The following DGKB variants were observed in gnomAD, a reference collection of about 807,000 sequenced individuals.
The protein encoded by DGKB is 90 kDa diacylglycerol kinase.
A neutral mutation model predicts 114.3 loss-of-function variants in DGKB; 67 were observed. The observed-to-expected ratio is 0.59, with a 90% CI of 0.48 to 0.72. The LOEUF (loss-of-function observed/expected upper bound fraction) is 0.72. DGKB is among the 30% of genes least tolerant of loss of function. The probability of loss-of-function intolerance (pLI) is 0.00; values close to 1 mark genes in which losing one functional copy is unlikely to be tolerated. For missense variants in DGKB, 907 were observed against 975.2 expected (o/e 0.93, Z 0.93); for synonymous variants, 398 against 323.1 (o/e 1.23, Z -2.49).
chr7:14,819,982 T>C (rs944874715), intron 2 of DGKB, among the ~76,000 whole-genome samples: 1 of 152,118 alleles, frequency 6.6e-6, no homozygotes, highest in African/African-American at 2.4e-5. Context: ...AAACACACAA[T>C]CCATATTGTG....
chr7:14,905,335 G>C (rs1218690194), upstream of DGKB, among the ~76,000 whole-genome samples: 1 of 149,614 alleles, frequency 6.7e-6, no homozygotes, highest in African/African-American at 2.5e-5. Flanking sequence ...GTTTGGTAAT[G>C]GAGGAAGAAA....
chr7:14,309,839 C>T (rs956709406), intron 23 of DGKB, among the ~76,000 whole-genome samples: 3 of 152,174 alleles, frequency 2.0e-5, no homozygotes, highest in African/African-American at 4.8e-5. Flanking sequence ...ATTGAAGTTA[C>T]TGAAGGATCT....
chr7:14,458,288 T>C (rs1376900572), intron 21 of DGKB, among the ~76,000 whole-genome samples: 2 of 152,174 alleles, frequency 1.3e-5, no homozygotes, highest in East Asian at 3.8e-4. Context: ...GTGAACCATC[T>C]GATAAAATAG....
chr7:14,687,185 A>C (rs1821856518), intron 9 of DGKB, among the ~76,000 whole-genome samples: 1 of 151,990 alleles, frequency 6.6e-6, no homozygotes, highest in Non-Finnish European at 1.5e-5. Flanking sequence ...TTTGTTGTGA[A>C]TAACAAAGTC....
chr7:14,160,965 G>GA (rs1215621753), intron 25 of DGKB, among the ~76,000 whole-genome samples: 3 of 151,726 alleles, frequency 2.0e-5, no homozygotes, highest in African/African-American at 7.3e-5. Flanking sequence ...AAATCTACAA[G>GA]AAAAAAACAA....
At chr7:14,301,763 C>T (rs1407005996) in intron 23 of DGKB, among the ~76,000 whole-genome samples, 1 of 152,082 alleles carries the variant, frequency 6.6e-6, no homozygotes, top group Non-Finnish European at 1.5e-5. Context: ...GTGTTACCAT[C>T]TGGCTAAAGA....
chr7:14,405,213 A>G (rs915189368), intron 21 of DGKB, among the ~76,000 whole-genome samples: 2 of 152,024 alleles, frequency 1.3e-5, no homozygotes, highest in Non-Finnish European at 2.9e-5. Flanking sequence ...AATGGGTAAT[A>G]TTCTTCTACA....
rs369128551 is a variant in DGKB at position 14,280,617 on chromosome 7, C to T, written c.2122+57898G>A. Among the ~76,000 whole-genome samples the T allele has an allele frequency of 6.2e-3, 934 of 151,284 alleles. 6 individuals carry two copies. Among genetic ancestry groups the T allele is most frequent in the Non-Finnish European group, 9.8e-3 (667 of 67,852 alleles). On this transcript the variant is annotated intron_variant, in intron 23 of 25. Transcript: ENST00000402815. ...GTTAAGGGCAGCCAGAGAGAAAGGT[C>T]GGGTTCCCCTCAAAGGGAAGCCCAT...
chr7:14,916,099 T>C (rs1470778391), intron 1 of DGKB, among the ~76,000 whole-genome samples: 1 of 140,350 alleles, frequency 7.1e-6, no homozygotes. Context: ...TACATGCATG[T>C]ACCATCTTTG....
chr7:14,814,395 G>T (rs553985453), intron 2 of DGKB, among the ~76,000 whole-genome samples: 2 of 152,252 alleles, frequency 1.3e-5, no homozygotes, highest in East Asian at 1.9e-4. Flanking sequence ...TTTTTATCAA[G>T]CCTGAAGCCT....
intron 21 of DGKB, among the ~76,000 whole-genome samples, chr7:14,366,626 T>G (rs1256521397): frequency 1.3e-5 from 2 of 152,136 alleles, no homozygotes; most frequent in Admixed American, 1.3e-4. Flanking sequence ...AAATCTTTGT[T>G]TCGTAATGCA....
intron 1 of DGKB, among the ~76,000 whole-genome samples, chr7:14,944,065 T>C (rs893230572): frequency 6.6e-6 from 1 of 151,900 alleles, no homozygotes; most frequent in Non-Finnish European, 1.5e-5. Flanking sequence ...GATCCCATTG[T>C]TATAATAATA....
intron 23 of DGKB, among the ~76,000 whole-genome samples, chr7:14,278,884 C>T (rs55816754): frequency 0.12 from 18,518 of 152,120 alleles, 3,229 homozygotes; most frequent in African/African-American, 0.39. Flanking sequence ...GGAGCCAAGA[C>T]GGCCGAATAG....
chr7:14,156,778 T>G (rs903234802), intron 25 of DGKB, among the ~76,000 whole-genome samples: 1 of 152,144 alleles, frequency 6.6e-6, no homozygotes, highest in Non-Finnish European at 1.5e-5. Context: ...TGGATAAAAG[T>G]GGAAATAATT....
chr7:14,240,044 A>G (rs1213605869), intron 23 of DGKB, among the ~76,000 whole-genome samples: 1 of 152,092 alleles, frequency 6.6e-6, no homozygotes, highest in East Asian at 1.9e-4. Context: ...TTTAGAAAAT[A>G]ATGGAAAGAA....
chr7:14,878,951 A>G (rs950395410), intron 1 of DGKB, among the ~76,000 whole-genome samples: 14 of 149,728 alleles, frequency 9.4e-5, no homozygotes, highest in African/African-American at 3.6e-4. Context: ...AAAGTCATCA[A>G]TATCTATTTA....
At chr7:14,756,281 G>T (rs1408275121) in intron 3 of DGKB, among the ~76,000 whole-genome samples, 1 of 151,882 alleles carries the variant, frequency 6.6e-6, no homozygotes, top group Non-Finnish European at 1.5e-5. Flanking sequence ...GCAATTCAGT[G>T]CTATAATTCA....
intron 23 of DGKB, among the ~76,000 whole-genome samples, chr7:14,253,055 G>C (rs184497648): frequency 1.3e-5 from 2 of 150,588 alleles, no homozygotes; most frequent in Non-Finnish European, 3.0e-5. Flanking sequence ...TTTTTTTAGA[G>C]GGGGAGTCTC....
chr7:14,800,730 C>G (rs1842041920), intron 2 of DGKB, among the ~76,000 whole-genome samples: 1 of 152,206 alleles, frequency 6.6e-6, no homozygotes. Flanking sequence ...GAAGTTAAGA[C>G]TGCCAGGCCA....
Sources: allele counts gnomAD v4.1 joint callset (sites outside exome capture counted in the v4.1 genomes callset), GRCh38; gene constraint gnomAD v4.1.1; transcripts MANE v1.5; gene names NCBI Gene and HGNC (gene_info 2026-07-23, HGNC 2026-07-21).